MAML2: variants seen among roughly 807,000 people sequenced by gnomAD.
MAML2 encodes the protein mastermind like transcriptional coactivator 2, also known as mastermind-like protein 2.
Under a neutral mutation model 96.1 loss-of-function variants are expected in MAML2, and 22 were observed. That is an observed-to-expected ratio of 0.23 (90% CI 0.16 to 0.33). The LOEUF (loss-of-function observed/expected upper bound fraction) is 0.33. Ranked by LOEUF, MAML2 falls within the 10% of genes least tolerant of loss-of-function variation. The probability of loss-of-function intolerance (pLI) is 1.00; values close to 1 mark genes in which losing one functional copy is unlikely to be tolerated. For synonymous variants in MAML2, 561 were observed against 521.3 expected (o/e 1.08, Z -1.04); for missense variants, 1,367 against 1,392.4 (o/e 0.98, Z 0.29).
In MAML2 at chr11:96,093,075, G is replaced by A. The variant is rs1859757883; in HGVS notation, c.956C>T (p.Pro319Leu). The change falls in exon 2 of 5, where the codon CCT becomes CTT. Residue 319 changes from proline to leucine, a missense_variant. By Grantham distance (98) the Pro-to-Leu change is moderately conservative. Coordinates refer to ENST00000524717, the MANE Select transcript of MAML2 (RefSeq NM_032427.4). Reference protein sequence around the residue: ...LFNELTNISVPPMSDLELENM... With the variant: ...LFNELTNISVLPMSDLELENM... ...CTCCAGTTCAAGGTCACTCATGGGA[G>A]GCACAGATATGTTGGTCAGTTCATT... 6.2e-7 allele frequency: 1 copy of A among 1,613,896 alleles called. No homozygotes were observed. Among genetic ancestry groups the A allele is most frequent in the East Asian group, 2.2e-5 (1 of 44,894 alleles).
chr11:96,075,111 T>C (rs1178077401), intron 2 of MAML2, among the ~76,000 whole-genome samples: 1 of 152,234 alleles, frequency 6.6e-6, no homozygotes, highest in Non-Finnish European at 1.5e-5. Flanking sequence ...AAATTCGAGG[T>C]TAGACATCAC....
At chr11:96,330,373 C>A (rs867639186) in intron 1 of MAML2, among the ~76,000 whole-genome samples, 60 of 152,302 alleles carry the variant, frequency 3.9e-4, no homozygotes, top group African/African-American at 1.4e-3. Context: ...TCCCCACAAC[C>A]TTTTGAGACA....
At chr11:96,020,423 C>T (rs1384556023) in intron 2 of MAML2, among the ~76,000 whole-genome samples, 1 of 152,184 alleles carries the variant, frequency 6.6e-6, no homozygotes, top group Non-Finnish European at 1.5e-5. Flanking sequence ...ATGTATCTAA[C>T]TTATGGCCAA....
chr11:96,045,858 C>G (rs1442405678), intron 2 of MAML2, among the ~76,000 whole-genome samples: 1 of 149,064 alleles, frequency 6.7e-6, no homozygotes, highest in Non-Finnish European at 1.5e-5. Context: ...CCCTCGTAAC[C>G]TTTTGCTGCC....
intron 2 of MAML2, among the ~76,000 whole-genome samples, chr11:96,083,293 C>T (rs1011665716): frequency 5.9e-5 from 9 of 152,250 alleles, no homozygotes; most frequent in Middle Eastern, 3.4e-3. Context: ...TATAAACTAC[C>T]TGTGCAGTTT....
At chr11:96,144,234 T>G (rs1387584968) in intron 1 of MAML2, among the ~76,000 whole-genome samples, 1 of 152,208 alleles carries the variant, frequency 6.6e-6, no homozygotes, top group Non-Finnish European at 1.5e-5. Context: ...AGATGCTGAG[T>G]AACATTAATT....
intron 1 of MAML2, among the ~76,000 whole-genome samples, chr11:96,203,249 C>T (rs1418926045): frequency 6.6e-6 from 1 of 152,222 alleles, no homozygotes; most frequent in Non-Finnish European, 1.5e-5. Flanking sequence ...ACATCAGTGA[C>T]AAAGGCACAG....
chr11:96,309,458 G>A (rs1863507469), intron 1 of MAML2, among the ~76,000 whole-genome samples: 1 of 152,150 alleles, frequency 6.6e-6, no homozygotes, highest in Non-Finnish European at 1.5e-5. Context: ...GATCATCATG[G>A]ATGACGATGA....
chr11:95,997,129 A>C (rs1453753154), intron 2 of MAML2, among the ~76,000 whole-genome samples: 1 of 152,158 alleles, frequency 6.6e-6, no homozygotes, highest in Non-Finnish European at 1.5e-5. Context: ...AACTTGCATG[A>C]TCTTTCATTT....
chr11:96,055,547 T>C (rs1171926352), intron 2 of MAML2, among the ~76,000 whole-genome samples: 2 of 152,234 alleles, frequency 1.3e-5, no homozygotes, highest in Non-Finnish European at 2.9e-5. Context: ...ATGGGTGTGA[T>C]TGAATGACTT....
intron 2 of MAML2, among the ~76,000 whole-genome samples, chr11:96,011,893 A>G: frequency 6.6e-6 from 1 of 152,356 alleles, no homozygotes; most frequent in African/African-American, 2.4e-5. Context: ...TTTTATTTAT[A>G]GAAGTCAAGA....
At position 96,186,719 on chromosome 11, in the gene MAML2, A is replaced by T. The variant is rs377371730; in HGVS notation, c.514-93202T>A. On this transcript the variant is annotated intron_variant, in intron 1 of 4. Transcript: ENST00000524717. The stretch of plus-strand genomic sequence containing the variant: ...CTATGTAGGAAGTAGCATTATCCTC[A>T]TTTTACAGATGAGAAACCGATAGAG... Among the ~76,000 whole-genome samples the T allele has an allele frequency of 3.9e-5, 6 of 152,214 alleles. No homozygotes were observed. The East Asian group carries it at 1.2e-3, about 29-fold the overall frequency.
chr11:96,018,980 C>T (rs184869016), intron 2 of MAML2, among the ~76,000 whole-genome samples: 8 of 152,100 alleles, frequency 5.3e-5, no homozygotes, highest in Non-Finnish European at 8.8e-5. Context: ...GAGACAAAAA[C>T]GTGATTGAAA....
At chr11:96,230,775 C>T (rs1481164106) in intron 1 of MAML2, among the ~76,000 whole-genome samples, 1 of 152,192 alleles carries the variant, frequency 6.6e-6, no homozygotes, top group Admixed American at 6.5e-5. Context: ...CAATACGAAG[C>T]CTAATGTGCT....
intron 3 of MAML2, among the ~76,000 whole-genome samples, chr11:95,990,148 T>TA (rs1857887923): frequency 1.3e-5 from 2 of 152,314 alleles, no homozygotes; most frequent in South Asian, 4.1e-4. Flanking sequence ...TCTTACTTTT[T>TA]ATACTTTTTA....
chr11:96,304,222 ACT>A (rs1338468144), intron 1 of MAML2, among the ~76,000 whole-genome samples: 4 of 151,714 alleles, frequency 2.6e-5, no homozygotes, highest in Non-Finnish European at 5.9e-5. Context: ...GGCCTGGTTC[ACT>A]CTCTCACCCC....
chr11:95,997,439 T>A (rs1182257765), intron 2 of MAML2, among the ~76,000 whole-genome samples: 1 of 152,180 alleles, frequency 6.6e-6, no homozygotes, highest in Non-Finnish European at 1.5e-5. Flanking sequence ...GCCAGACCAA[T>A]GAAAACATGT....
intron 3 of MAML2, among the ~76,000 whole-genome samples, chr11:95,986,879 C>G (rs565425): frequency 0.23 from 34,808 of 151,820 alleles, 5,837 homozygotes; most frequent in African/African-American, 0.48. Context: ...GAATAGGTGA[C>G]TTTGGAAGCT....
intron 2 of MAML2, among the ~76,000 whole-genome samples, chr11:96,011,221 T>C (rs138145300): frequency 1.3e-5 from 2 of 152,314 alleles, no homozygotes; most frequent in East Asian, 1.9e-4. Flanking sequence ...TTACTGAGTA[T>C]CTACCTTAAA....
Sources: allele counts gnomAD v4.1 joint callset (sites outside exome capture counted in the v4.1 genomes callset), GRCh38; gene constraint gnomAD v4.1.1; transcripts MANE v1.5; gene names NCBI Gene and HGNC (gene_info 2026-07-23, HGNC 2026-07-21).